LRMDA: variants seen among roughly 807,000 people sequenced by gnomAD.
LRMDA encodes the protein leucine rich melanocyte differentiation associated.
A neutral mutation model predicts 29.8 loss-of-function variants in LRMDA; 18 were observed. That is an observed-to-expected ratio of 0.60 (90% CI 0.42 to 0.90). The LOEUF (loss-of-function observed/expected upper bound fraction) is 0.90, where lower values mean the gene tolerates loss of function less well. LRMDA is among the 40% of genes least tolerant of loss of function. The pLI, the probability that LRMDA is intolerant of heterozygous loss-of-function variation, is 0.00. For synonymous variants in LRMDA, 125 were observed against 109.4 expected, an observed-to-expected ratio of 1.14 and a Z score of -0.89; for missense variants, 273 against 273.9, an observed-to-expected ratio of 1.00 and a Z score of 0.02.
intron 5 of LRMDA, among the ~76,000 whole-genome samples, chr10:76,087,885 G>C (rs1020022355): frequency 6.6e-6 from 1 of 152,194 alleles, no homozygotes; most frequent in African/African-American, 2.4e-5. Flanking sequence ...ACTTTGGGAG[G>C]CTAGAGTGGA....
chr10:75,700,892 T>G (rs1416103346), intron 2 of LRMDA, among the ~76,000 whole-genome samples: 1 of 152,128 alleles, frequency 6.6e-6, no homozygotes, highest in Admixed American at 6.5e-5. Flanking sequence ...GTGTGTTCGA[T>G]TCCAAAGCAT....
chr10:76,376,473 A>G (rs1841519620), intron 6 of LRMDA, among the ~76,000 whole-genome samples: 1 of 152,178 alleles, frequency 6.6e-6, no homozygotes, highest in African/African-American at 2.4e-5. Flanking sequence ...TCATCTGTGG[A>G]TGGACACCTA....
In LRMDA at chr10:75,809,133, G is replaced by A. The variant is rs545994542; in HGVS notation, c.132-226875G>A. Among the ~76,000 whole-genome samples, 105 of 152,234 alleles carry A rather than the reference G, an allele frequency of 6.9e-4. No individual in the cohort carries two copies. In the South Asian group the frequency reaches 0.021, roughly 31 times the overall value. On this transcript the variant is annotated intron_variant, in intron 2 of 6. Transcript: ENST00000611255. Reference sequence around the variant, plus strand: ...CACCACCTTCCCTGCAGGCTTCATAGCCACCTCCCCAGAGCTGAGTGTGTC... The same window carrying A: ...CACCACCTTCCCTGCAGGCTTCATAACCACCTCCCCAGAGCTGAGTGTGTC...
intron 6 of LRMDA, among the ~76,000 whole-genome samples, chr10:76,543,018 G>A (rs921002098): frequency 6.6e-6 from 1 of 152,162 alleles, no homozygotes; most frequent in Non-Finnish European, 1.5e-5. Flanking sequence ...ATCTTAGGGT[G>A]CGCAGGGTGT....
intron 5 of LRMDA, among the ~76,000 whole-genome samples, chr10:76,149,015 C>G (rs1467423177): frequency 6.6e-6 from 1 of 152,140 alleles, no homozygotes; most frequent in Non-Finnish European, 1.5e-5. Flanking sequence ...TTCCCACCAG[C>G]AAAATAGTAG....
chr10:75,608,129 T>TATATATATATATATATACATACAC (rs11271217), intron 2 of LRMDA, among the ~76,000 whole-genome samples: 1 of 89,548 alleles, frequency 1.1e-5, no homozygotes, highest in Non-Finnish European at 2.7e-5. Flanking sequence ...TATATATATA[T>TATATATATATATATATACATACAC]ACACACACAT....
At chr10:75,930,996 T>C (rs1359037) in intron 2 of LRMDA, among the ~76,000 whole-genome samples, 122,634 of 152,152 alleles carry the variant, frequency 0.81, 49,474 homozygotes, top group South Asian at 0.9. Context: ...GTATTGGTAC[T>C]ATTAGGCAAA....
chr10:75,514,560 C>T (rs1295334848), intron 2 of LRMDA, among the ~76,000 whole-genome samples: 2 of 151,974 alleles, frequency 1.3e-5, no homozygotes, highest in African/African-American at 2.4e-5. Flanking sequence ...TGTTTGGGTC[C>T]TTGGGGTGGA....
chr10:76,273,897 A>G (rs1242708946), intron 5 of LRMDA, among the ~76,000 whole-genome samples: 1 of 152,146 alleles, frequency 6.6e-6, no homozygotes, highest in Admixed American at 6.5e-5. Context: ...AAGTAATTCT[A>G]TTGTTGTCAT....
At chr10:75,718,458 G>A (rs1344431546) in intron 2 of LRMDA, among the ~76,000 whole-genome samples, 2 of 152,210 alleles carry the variant, frequency 1.3e-5, no homozygotes, top group Non-Finnish European at 2.9e-5. Context: ...AAGTCTTGTG[G>A]CCAAGATCAT....
chr10:75,694,546 T>C (rs1842208702), intron 2 of LRMDA, among the ~76,000 whole-genome samples: 1 of 152,174 alleles, frequency 6.6e-6, no homozygotes, highest in African/African-American at 2.4e-5. Flanking sequence ...ACTTTCACAT[T>C]TGCACACAGG....
chr10:75,589,315 T>C (rs1840692962), intron 2 of LRMDA, among the ~76,000 whole-genome samples: 1 of 152,134 alleles, frequency 6.6e-6, no homozygotes, highest in Admixed American at 6.5e-5. Flanking sequence ...TAAAAGAATG[T>C]TTTCTTAGTG....
chr10:76,278,680 T>G (rs1358247611), intron 5 of LRMDA, among the ~76,000 whole-genome samples: 1 of 152,212 alleles, frequency 6.6e-6, no homozygotes, highest in African/African-American at 2.4e-5. Context: ...TAAAACATTT[T>G]CTTTTATAGA....
chr10:76,235,703 T>G (rs879335917), intron 5 of LRMDA, among the ~76,000 whole-genome samples: 7 of 152,074 alleles, frequency 4.6e-5, no homozygotes, highest in Non-Finnish European at 8.8e-5. Context: ...AGTAGAAGCT[T>G]GGAATTTCTG....
At chr10:76,146,691 A>G (rs572485191) in intron 5 of LRMDA, among the ~76,000 whole-genome samples, 195 of 152,186 alleles carry the variant, frequency 1.3e-3, no homozygotes, top group Admixed American at 4.1e-3. Flanking sequence ...TTACATTTAA[A>G]GTTAATATTG....
chr10:75,765,610 A>G (rs541866012), intron 2 of LRMDA, among the ~76,000 whole-genome samples: 1 of 152,214 alleles, frequency 6.6e-6, no homozygotes, highest in South Asian at 2.1e-4. Context: ...GAGGCACACA[A>G]TTAGCATTCT....
At chr10:76,368,780 C>T (rs1841421332) in intron 6 of LRMDA, among the ~76,000 whole-genome samples, 1 of 152,130 alleles carries the variant, frequency 6.6e-6, no homozygotes, top group South Asian at 2.1e-4. Flanking sequence ...AATTTGGGAG[C>T]TCCAGTGTTA....
intron 5 of LRMDA, among the ~76,000 whole-genome samples, chr10:76,235,249 A>C (rs897270882): frequency 2.0e-5 from 3 of 152,180 alleles, no homozygotes; most frequent in African/African-American, 7.2e-5. Flanking sequence ...ACACTTATTA[A>C]GCTTGCCATC....
intron 5 of LRMDA, among the ~76,000 whole-genome samples, chr10:76,217,668 T>A (rs143039279): frequency 2.6e-5 from 4 of 152,262 alleles, no homozygotes; most frequent in African/African-American, 9.6e-5. Flanking sequence ...GGGAAACGCG[T>A]TGGGAAAGGG....
Sources: gnomAD v4.1 joint callset for allele counts (sites outside exome capture counted in the v4.1 genomes callset) on GRCh38, gnomAD v4.1.1 for gene constraint, MANE v1.5 for transcripts, NCBI Gene and HGNC (gene_info 2026-07-23, HGNC 2026-07-21) for gene names.